Variants in THRB observed in about 807,000 individuals in gnomAD.
The protein encoded by THRB is thyroid hormone receptor beta, also known as nuclear receptor subfamily 1 group A member 2.
In THRB, 12 loss-of-function variants were observed where a neutral mutation model predicts 47.8. The ratio of observed to expected loss-of-function variants is 0.25; its 90% CI spans 0.16 to 0.41. THRB has a LOEUF of 0.41. Among genes scored for constraint, THRB ranks in the 10% least tolerant of loss-of-function variants. The probability of loss-of-function intolerance (pLI) is 1.00; values close to 1 mark genes in which losing one functional copy is unlikely to be tolerated. For synonymous variants in THRB, 218 were observed against 212.2 expected (o/e 1.03, Z -0.24); for missense variants, 348 against 589.2 (o/e 0.59, Z 4.24).
chr3:24,259,610 C>T (rs2051717771), intron 3 of THRB, among the ~76,000 whole-genome samples: 1 of 139,500 alleles, frequency 7.2e-6, no homozygotes, highest in South Asian at 2.3e-4. Flanking sequence ...TGGGAATTAG[C>T]TCTGCTTACC....
rs1374220453 is a variant in THRB, at chr3:24,119,497, G to A, written c.*3387C>T. The A allele has an allele frequency of 6.6e-6, 1 of 152,264 alleles. No homozygotes were observed. Among genetic ancestry groups the A allele is most frequent in the African/African-American group, 2.4e-5 (1 of 41,452 alleles). 9.4% of individuals were successfully genotyped at this position (152,264 alleles called of 1,614,324 possible). ...TCACTGACAATGACATGCTTCAAGG[G>A]TGCTCAGCGGTTCCTTGGAGGCTGA... On this transcript the variant is annotated 3_prime_UTR_variant, in exon 11 of 11. Coordinates refer to ENST00000646209, the MANE Select transcript of THRB (RefSeq NM_001354712.2).
chr3:24,340,363 G>GCTC (rs2062550164), intron 1 of THRB, among the ~76,000 whole-genome samples: 1 of 149,022 alleles, frequency 6.7e-6, no homozygotes, highest in Non-Finnish European at 1.5e-5. Context: ...TCCTCCTCTT[G>GCTC]CTCCTCCTCC....
chr3:24,479,529 G>A (rs1209386664), intron 1 of THRB, among the ~76,000 whole-genome samples: 1 of 152,146 alleles, frequency 6.6e-6, no homozygotes, highest in African/African-American at 2.4e-5. Context: ...GGAAAGTAAG[G>A]TCTTAGAGAA....
At chr3:24,230,787 T>C (rs2048181231) in intron 3 of THRB, among the ~76,000 whole-genome samples, 1 of 152,136 alleles carries the variant, frequency 6.6e-6, no homozygotes, top group African/African-American at 2.4e-5. Flanking sequence ...CAAAACTGGC[T>C]TAAGACTTGA....
chr3:24,456,348 AG>A (rs995884490), intron 1 of THRB, among the ~76,000 whole-genome samples: 4 of 151,634 alleles, frequency 2.6e-5, no homozygotes, highest in African/African-American at 9.7e-5. Context: ...AAAAAAAAAA[AG>A]TTAAAAATGT....
intron 1 of THRB, among the ~76,000 whole-genome samples, chr3:24,491,026 G>A (rs1334227243): frequency 1.3e-5 from 2 of 152,100 alleles, no homozygotes; most frequent in African/African-American, 4.8e-5. Flanking sequence ...TATTTCATAC[G>A]AGTATATACT....
intron 4 of THRB, among the ~76,000 whole-genome samples, chr3:24,224,544 A>C (rs2047467059): frequency 6.6e-6 from 1 of 152,166 alleles, no homozygotes; most frequent in Admixed American, 6.5e-5. Context: ...AGAAATGGCC[A>C]TTAAGAAGCA....
chr3:24,223,549 T>C (rs1213272510), intron 4 of THRB, among the ~76,000 whole-genome samples: 2 of 152,038 alleles, frequency 1.3e-5, no homozygotes, highest in Admixed American at 6.6e-5. Flanking sequence ...AAAAATTAGA[T>C]AGAGATGGAA....
chr3:24,407,342 A>T (rs903407062), intron 1 of THRB, among the ~76,000 whole-genome samples: 5 of 71,348 alleles, frequency 7.0e-5, no homozygotes, highest in Non-Finnish European at 1.4e-4. Flanking sequence ...CACAGATTGC[A>T]AACATTTTTT....
intron 2 of THRB, among the ~76,000 whole-genome samples, chr3:24,316,552 G>A (rs776342040): frequency 3.3e-5 from 5 of 151,652 alleles, no homozygotes; most frequent in Non-Finnish European, 7.4e-5. Context: ...CAACTCACCT[G>A]ATGCCCCTAG....
At chr3:24,253,924 G>A (rs890214325) in intron 3 of THRB, among the ~76,000 whole-genome samples, 2 of 151,196 alleles carry the variant, frequency 1.3e-5, no homozygotes, top group African/African-American at 2.4e-5. Context: ...ACTCCTCACC[G>A]AGAGAGAACC....
At chr3:24,159,437 A>G (rs1175927534) in intron 5 of THRB, among the ~76,000 whole-genome samples, 2 of 152,230 alleles carry the variant, frequency 1.3e-5, no homozygotes, top group Non-Finnish European at 2.9e-5. Context: ...CAACAATGGA[A>G]ATGAGCTATG....
At chr3:24,384,936 T>C (rs1431289357) in intron 1 of THRB, among the ~76,000 whole-genome samples, 1 of 152,086 alleles carries the variant, frequency 6.6e-6, no homozygotes, top group African/African-American at 2.4e-5. Flanking sequence ...TACACACCCA[T>C]GGGAAAAGTC....
chr3:24,235,075 A>G (rs2048723420), intron 3 of THRB, among the ~76,000 whole-genome samples: 1 of 152,204 alleles, frequency 6.6e-6, no homozygotes, highest in Non-Finnish European at 1.5e-5. Context: ...CACCTCTTTG[A>G]GTGGGATCAT....
chr3:24,165,124 C>T (rs756442232), intron 5 of THRB: 2 of 764,896 alleles, frequency 2.6e-6, no homozygotes, highest in South Asian at 2.7e-5. Flanking sequence ...GGGCCATGTC[C>T]AAGTCAGAGT....
At chr3:24,489,496 T>C (rs1697817625) in intron 1 of THRB, among the ~76,000 whole-genome samples, 1 of 152,158 alleles carries the variant, frequency 6.6e-6, no homozygotes, top group Non-Finnish European at 1.5e-5. Context: ...TATATCAGAT[T>C]GTTAGGACTG....
chr3:24,236,969 G>A (rs1314534564), intron 3 of THRB, among the ~76,000 whole-genome samples: 1 of 152,198 alleles, frequency 6.6e-6, no homozygotes, highest in African/African-American at 2.4e-5. Context: ...ATACCACGCT[G>A]TGATCCACCT....
At position 24,269,385 on chromosome 3, in the gene THRB, ACACGCGCG is replaced by A. The variant is rs1455724616; in HGVS notation, c.-43+27833_-43+27840del. On this transcript the variant is annotated intron_variant, in intron 3 of 10. Transcript: ENST00000646209. ...ACACCATCATAGCTCATCATAGCTC[ACACGCGCG>A]CGCGCGCGCGCACACACACACACAC... 8.2e-4 allele frequency among the ~76,000 whole-genome samples: 43 copies of A among 52,412 alleles called. 1 individual carries two copies. The highest frequency in any genetic ancestry group is 3.3e-3 in the African/African-American group (42 of 12,864). The allele number at this position is 52,412 out of a possible 152,430, so 34.4% of individuals were successfully genotyped here.
At chr3:24,225,909 AT>A (rs2047609005) in intron 4 of THRB, among the ~76,000 whole-genome samples, 1 of 152,180 alleles carries the variant, frequency 6.6e-6, no homozygotes, top group Non-Finnish European at 1.5e-5. Flanking sequence ...TATAGTCCTA[AT>A]TTCAAATTAG....
Sources: allele counts gnomAD v4.1 joint callset (sites outside exome capture counted in the v4.1 genomes callset), GRCh38; gene constraint gnomAD v4.1.1; transcripts MANE v1.5; gene names NCBI Gene and HGNC (gene_info 2026-07-23, HGNC 2026-07-21).